The following MGST2 variants were observed in gnomAD, a reference collection of about 807,000 sequenced individuals.
The protein encoded by MGST2 is microsomal glutathione S-transferase 2.
MGST2 carries 9 observed loss-of-function variants against 16.6 expected under a neutral mutation model. The observed-to-expected ratio is 0.54, with a 90% CI of 0.33 to 0.95. MGST2 has a LOEUF of 0.95. Ranked by LOEUF, MGST2 falls within the 40% of genes least tolerant of loss-of-function variation. MGST2 has a pLI of 0.03. For missense variants in MGST2, 159 were observed against 175.1 expected (o/e 0.91, Z 0.52); for synonymous variants, 79 against 68.0 (o/e 1.16, Z -0.79).
At chr4:139,736,158 TAAAA>T (rs920921767) in intron 5 of MGST2, among the ~76,000 whole-genome samples, 1 of 151,870 alleles carries the variant, frequency 6.6e-6, no homozygotes, top group Non-Finnish European at 1.5e-5. Flanking sequence ...TTGGGTCAAG[TAAAA>T]AAAAATTTTT....
At chr4:139,703,915 A>T in intron 4 of MGST2, 101 bp from the exon 5 acceptor site, 2 of 1,459,194 alleles carry the variant, frequency 1.4e-6, no homozygotes, top group Non-Finnish European at 1.9e-6. Flanking sequence ...AAAATATAGA[A>T]GTTCTGGACA....
At chr4:139,732,691 A>T (rs1009785631) in intron 5 of MGST2, among the ~76,000 whole-genome samples, 2 of 151,910 alleles carry the variant, frequency 1.3e-5, no homozygotes, top group African/African-American at 4.8e-5. Context: ...TGGTTACATG[A>T]GTAAGCAGAA....
chr4:139,666,276 G>C (rs1477794975), intron 1 of MGST2, among the ~76,000 whole-genome samples, 199 bp downstream of exon 1: 1 of 152,004 alleles, frequency 6.6e-6, no homozygotes, highest in African/African-American at 2.4e-5. Context: ...CTTCCCAGGG[G>C]CAAGCAGAGA....
intron 5 of MGST2, chr4:139,720,343 A>G (rs888494869): frequency 1.3e-6 from 2 of 1,513,166 alleles, no homozygotes; most frequent in African/African-American, 2.8e-5. Flanking sequence ...AAAAGAGGAC[A>G]CATACCACTC....
Position 139,673,262 on chromosome 4 carries a change from C to T in MGST2, c.59-5281C>T, listed in dbSNP as rs8192040. 7.2e-3 allele frequency among the ~76,000 whole-genome samples: 1,098 copies of T among 152,218 alleles called. 8 individuals are homozygous for T. The highest frequency in any genetic ancestry group is 0.025 in the African/African-American group (1,030 of 41,526). On this transcript the variant is annotated intron_variant, in intron 1 of 4. Transcript: ENST00000265498. ...ACCCAACTGAACGTGGGTCCATTCA[C>T]CCAGCATACAGAAACAAACACAAGC...
downstream of MGST2, among the ~76,000 whole-genome samples, chr4:139,744,784 C>G (rs557883013): frequency 6.6e-6 from 1 of 152,008 alleles, no homozygotes; most frequent in Non-Finnish European, 1.5e-5. Context: ...AAAGATGACA[C>G]CAGCTGGTCA....
At chr4:139,692,136 G>A (rs1308039272) in intron 2 of MGST2, among the ~76,000 whole-genome samples, 7 of 152,206 alleles carry the variant, frequency 4.6e-5, no homozygotes, top group Admixed American at 4.6e-4. Context: ...TGAGGTTGGG[G>A]TGAGCTCAGC....
chr4:139,730,476 C>T, intron 5 of MGST2: 1 of 1,552,988 alleles, frequency 6.4e-7, no homozygotes, highest in Non-Finnish European at 8.7e-7. Flanking sequence ...CCCGCAGGAA[C>T]TGTTGCTTCT....
At chr4:139,671,591 C>A (rs1201591294) in intron 1 of MGST2, among the ~76,000 whole-genome samples, 1 of 151,854 alleles carries the variant, frequency 6.6e-6, no homozygotes, top group Admixed American at 6.6e-5. Flanking sequence ...CTCAGCCTCC[C>A]GAGTAGCTGG....
At chr4:139,718,429 T>C (rs1280789551) in intron 5 of MGST2, 3 of 152,324 alleles carry the variant, frequency 2.0e-5, no homozygotes, top group Non-Finnish European at 4.4e-5. Context: ...AAGGCAGGGC[T>C]GGAGACAAAG....
Position 139,735,513 on chromosome 4 carries a change from C to A in MGST2, c.*49-4699C>A, listed in dbSNP as rs1728901744. 6.6e-6 allele frequency among the ~76,000 whole-genome samples: 1 copy of A among 151,784 alleles called. No homozygotes were observed. Among genetic ancestry groups the A allele is most frequent in the Non-Finnish European group, 1.5e-5 (1 of 67,932 alleles). ...ACACCAGACCCCAGGGCCGACAGCC[C>A]GGGAGGGACCGGGTTCCAGGACCCC... On this transcript the variant is annotated intron_variant, in intron 5 of 5. Coordinates refer to the MGST2 transcript ENST00000616265. This position sits in a 1 kb window ranked among gnomAD's most constrained non-coding sequence, Gnocchi z 5.8.
chr4:139,683,724 C>T (rs919307983), intron 2 of MGST2, among the ~76,000 whole-genome samples: 2 of 151,922 alleles, frequency 1.3e-5, no homozygotes, highest in Non-Finnish European at 2.9e-5. Flanking sequence ...TCCGTTTTCA[C>T]ACTGCTGATA....
intron 2 of MGST2, among the ~76,000 whole-genome samples, chr4:139,693,420 A>G (rs967534015): frequency 1.3e-5 from 2 of 151,462 alleles, no homozygotes; most frequent in African/African-American, 2.4e-5. Context: ...AAAAAAAAAA[A>G]AAAAGAAATT....
chr4:139,713,722 A>G (rs1018784753), intron 5 of MGST2, among the ~76,000 whole-genome samples: 1 of 152,266 alleles, frequency 6.6e-6, no homozygotes, highest in South Asian at 2.1e-4. Context: ...TAGCTTCTGA[A>G]CTCTACCAGA....
chr4:139,730,324 G>T (rs1728648413), intron 5 of MGST2: 9 of 1,110,372 alleles, frequency 8.1e-6, no homozygotes, highest in Non-Finnish European at 1.2e-5. Flanking sequence ...CTTGATGGAG[G>T]ATGTGAACTG....
At chr4:139,668,974 C>T (rs1212819936) in intron 1 of MGST2, among the ~76,000 whole-genome samples, 3 of 152,084 alleles carry the variant, frequency 2.0e-5, no homozygotes, top group Non-Finnish European at 4.4e-5. Context: ...GCCCGAACCC[C>T]CATGGAATGT....
chr4:139,711,822 C>A (rs1727755207), intron 5 of MGST2, among the ~76,000 whole-genome samples: 1 of 152,114 alleles, frequency 6.6e-6, no homozygotes, highest in African/African-American at 2.4e-5. Context: ...TATAAGAGAA[C>A]CTTTAATCCT....
chr4:139,719,925 C>T lies in MGST2; in HGVS notation c.*48+15729C>T, dbSNP rs765587855. ...GGAGGGGCTTGGGGCCTAGGCAAGG[C>T]CTGGCCTACTGGCCCTTTCATCTGT... is the stretch of plus-strand genomic sequence containing the variant. On this transcript the variant is annotated intron_variant, in intron 5 of 5. Coordinates refer to the MGST2 transcript ENST00000616265. 7.4e-6 allele frequency: 12 copies of T among 1,613,956 alleles called. No homozygotes were observed. In the African/African-American group the frequency reaches 1.3e-4, roughly 18 times the overall value.
intron 5 of MGST2, chr4:139,719,087 C>G (rs1215343269): frequency 8.0e-6 from 4 of 502,582 alleles, no homozygotes; most frequent in Non-Finnish European, 1.4e-5. Context: ...GTGTCTCCCT[C>G]TCTCGCAGCC....
Sources: gnomAD v4.1 joint callset for allele counts (sites outside exome capture counted in the v4.1 genomes callset) on GRCh38, gnomAD v4.1.1 for gene constraint, Gnocchi (gnomAD v3.1) non-coding constraint, MANE v1.5 for transcripts, NCBI Gene and HGNC (gene_info 2026-07-23, HGNC 2026-07-21) for gene names.